The following ZFYVE28 variants were observed in gnomAD, a reference collection of about 807,000 sequenced individuals.
The protein encoded by ZFYVE28 is lateral signaling target protein 2 homolog.
ZFYVE28 carries 40 observed loss-of-function variants against 82.1 expected under a neutral mutation model. The observed-to-expected ratio is 0.49, with a 90% CI of 0.38 to 0.63. ZFYVE28 has a LOEUF of 0.63. Ranked by LOEUF, ZFYVE28 falls within the 30% of genes least tolerant of loss-of-function variation. The pLI, the probability that ZFYVE28 is intolerant of heterozygous loss-of-function variation, is 0.00. For synonymous variants in ZFYVE28, 612 were observed against 546.1 expected (o/e 1.12, Z -1.68); for missense variants, 1,321 against 1,242.1 (o/e 1.06, Z -0.96).
At chr4:2,336,126 G>A (rs1257660004) in intron 5 of ZFYVE28, among the ~76,000 whole-genome samples, 1 of 152,158 alleles carries the variant, frequency 6.6e-6, no homozygotes, top group Non-Finnish European at 1.5e-5. Context: ...CAACCCAGAG[G>A]ACGGCTCTGC....
chr4:2,302,196 T>C (rs2108820098), intron 8 of ZFYVE28, among the ~76,000 whole-genome samples: 1 of 152,368 alleles, frequency 6.6e-6, no homozygotes, highest in South Asian at 2.1e-4. Flanking sequence ...CTTACATTTT[T>C]GAAAATTGAA....
rs1366768690 is a variant in ZFYVE28 at position 2,304,507 on chromosome 4, C to G, written c.1833G>C (p.Glu611Asp). 6.2e-7 allele frequency: 1 copy of G among 1,612,606 alleles called. No homozygotes were observed. The highest frequency in any genetic ancestry group is 1.7e-5 in the Admixed American group (1 of 60,006). ...CATCTTCTGAGGGTGGGGGCGCCTCCTCCTGTCTCTCAGGGGCCCTGTCGC... is the reference window on the plus strand; with the variant it reads ...CATCTTCTGAGGGTGGGGGCGCCTCGTCCTGTCTCTCAGGGGCCCTGTCGC... ...KASDRAPERQ[E>D]EAPPPSEDAS... The change falls in exon 8 of 13, where the codon GAG (glutamate) becomes GAC (aspartate). Residue 611 changes from glutamate (E) to aspartate (D), a missense_variant. This residue lies in a region of ZFYVE28 where 978 missense variants were observed against 833.7 expected (regional missense o/e 1.17). Transcript: ENST00000290974.
At chr4:2,299,172 C>A (rs1715103911) in intron 8 of ZFYVE28, among the ~76,000 whole-genome samples, 1 of 152,198 alleles carries the variant, frequency 6.6e-6, no homozygotes, top group Non-Finnish European at 1.5e-5. Flanking sequence ...AAAAGCGTGA[C>A]ATCCCAGCTG....
rs1339701008 is a variant in ZFYVE28 at position 2,341,172 on chromosome 4, C to T, written c.318+306G>A. ...GGGGAACACTTGTTCCTGATGTGGGCATTACTGCCATTAAAAACCACTTTT... is the reference window on the plus strand; with the variant it reads ...GGGGAACACTTGTTCCTGATGTGGGTATTACTGCCATTAAAAACCACTTTT... On this transcript the variant is annotated intron_variant, in intron 3 of 12. Transcript: ENST00000290974. The surrounding 1 kb of genome is among the most constrained non-coding windows in gnomAD (Gnocchi z 4.5). 6 of 445,662 alleles carry T rather than the reference C, an allele frequency of 1.3e-5. No homozygotes were observed. Among genetic ancestry groups the T allele is most frequent in the Non-Finnish European group, 2.5e-5 (6 of 243,506 alleles). 27.6% of individuals were successfully genotyped at this position (445,662 alleles called of 1,614,324 possible).
chr4:2,312,436 A>T (rs932523398), intron 7 of ZFYVE28, among the ~76,000 whole-genome samples: 2 of 151,898 alleles, frequency 1.3e-5, no homozygotes, highest in Non-Finnish European at 2.9e-5. Flanking sequence ...AATTATTTAG[A>T]AGTGTTTTGG....
chr4:2,281,311 C>T (rs914517271), intron 8 of ZFYVE28, among the ~76,000 whole-genome samples: 1 of 152,034 alleles, frequency 6.6e-6, no homozygotes, highest in African/African-American at 2.4e-5. Context: ...CCTTCTGGGT[C>T]AGCCATTCCT....
chr4:2,304,545 A>G lies in ZFYVE28; in HGVS notation c.1795T>C (p.Leu599=), dbSNP rs1418034204. The G allele has an allele frequency of 6.2e-7, 1 of 1,612,630 alleles. No homozygotes were observed. Among genetic ancestry groups the G allele is most frequent in the African/African-American group, 1.3e-5 (1 of 74,938 alleles). ...GGGGCCCTGTCGCTGGCCTTGGCTA[A>G]GCCGGCAGCGTACGAGGCACCAATG... ...GVIGASYAAG[L]AKASDRAPER... Residue 599 remains leucine, a synonymous_variant, in exon 8 of 13, where the codon TTA becomes CTA. Transcript: ENST00000290974.
chr4:2,275,358 A>AT (rs890745109), intron 8 of ZFYVE28, among the ~76,000 whole-genome samples: 3 of 152,036 alleles, frequency 2.0e-5, no homozygotes, highest in Admixed American at 6.5e-5. Context: ...TTTTAAACTA[A>AT]TTTATCTCCT....
rs1293055107 is a variant in ZFYVE28 at position 2,305,460 on chromosome 4, A to T, written c.880T>A (p.Phe294Ile). 6.2e-7 allele frequency: 1 copy of T among 1,612,672 alleles called. No individual in the cohort carries two copies. The highest frequency in any genetic ancestry group is 2.2e-5 in the East Asian group (1 of 44,858). The change falls in exon 8 of 13, where the codon TTC (phenylalanine) becomes ATC (isoleucine). Residue 294 changes from phenylalanine (F) to isoleucine (I), a missense_variant. Coordinates refer to ENST00000290974, the MANE Select transcript of ZFYVE28 (RefSeq NM_020972.3). ...RNLCISQDVE[F>I]PIRADVQGPA... Reference sequence around the variant, plus strand: ...CCCTGCACGTCTGCGCGGATGGGGAACTCCACGTCTTGGGAAATGCAGAGG... The same window carrying T: ...CCCTGCACGTCTGCGCGGATGGGGATCTCCACGTCTTGGGAAATGCAGAGG...
chr4:2,321,790 C>A (rs544816007), intron 6 of ZFYVE28, among the ~76,000 whole-genome samples: 2 of 152,230 alleles, frequency 1.3e-5, no homozygotes, highest in African/African-American at 4.8e-5. Flanking sequence ...CCCGCAATGA[C>A]CTGTGTACCC....
intron 6 of ZFYVE28, among the ~76,000 whole-genome samples, chr4:2,321,190 C>A (rs1719021954): frequency 6.6e-6 from 1 of 152,196 alleles, no homozygotes; most frequent in East Asian, 1.9e-4. Flanking sequence ...AGAGCACAGA[C>A]AAGGGCCATG....
At chr4:2,395,114 C>G (rs1232174657) in intron 1 of ZFYVE28, among the ~76,000 whole-genome samples, 1 of 152,138 alleles carries the variant, frequency 6.6e-6, no homozygotes, top group Non-Finnish European at 1.5e-5. Context: ...GTTTGAATTG[C>G]CAAGGTCACT....
chr4:2,333,834 AG>A (rs1298060557), intron 6 of ZFYVE28, among the ~76,000 whole-genome samples: 1 of 152,234 alleles, frequency 6.6e-6, no homozygotes, highest in Non-Finnish European at 1.5e-5. Flanking sequence ...AACAAAGAGA[AG>A]AATAAGGACC....
rs757504353 is a variant in ZFYVE28 at position 2,304,793 on chromosome 4, G to A, written c.1547C>T (p.Thr516Met). Residue 516 changes from threonine (T) to methionine (M), a missense_variant, in exon 8 of 13, where the codon ACG (threonine) becomes ATG (methionine). Coordinates refer to ENST00000290974, the MANE Select transcript of ZFYVE28 (RefSeq NM_020972.3). ...HRTGGMKLSA[T>M]VIFNPKSPTS... is the part of the protein sequence containing the mutation. ...GGGCGATTTGGGGTTGAAGATGACC[G>A]TGGCTGAGAGCTTCATGCCCCCTGT... The A allele has an allele frequency of 1.1e-5, 17 of 1,612,616 alleles. No homozygotes were observed. Among genetic ancestry groups the A allele is most frequent in the East Asian group, 2.2e-5 (1 of 44,874 alleles).
intron 6 of ZFYVE28, among the ~76,000 whole-genome samples, chr4:2,323,448 A>C (rs2108840192): frequency 6.6e-6 from 1 of 152,304 alleles, no homozygotes; most frequent in East Asian, 1.9e-4. Flanking sequence ...CTGGACATTA[A>C]ATCTTCATCA....
Position 2,320,471 on chromosome 4 carries a change from C to A in ZFYVE28, c.702-200G>T, listed in dbSNP as rs1197469714. 6.6e-6 allele frequency among the ~76,000 whole-genome samples: 1 copy of A among 152,218 alleles called. No homozygotes were observed. The highest frequency in any genetic ancestry group is 1.5e-5 in the Non-Finnish European group (1 of 68,042). On this transcript the variant is annotated intron_variant, in intron 6 of 12. Coordinates refer to ENST00000290974, the MANE Select transcript of ZFYVE28 (RefSeq NM_020972.3). The surrounding 1 kb of genome is among the most constrained non-coding windows in gnomAD (Gnocchi z 5.1). ...AGAAAAAAGCAGTGAGAATTATTAC[C>A]CAGACTTCATCCTCTTTTGCAGTTG... is the stretch of plus-strand genomic sequence containing the variant.
At chr4:2,340,562 G>A (rs1050743740) in intron 3 of ZFYVE28, among the ~76,000 whole-genome samples, 10 of 152,196 alleles carry the variant, frequency 6.6e-5, no homozygotes, top group African/African-American at 2.4e-4. Context: ...CAAGCTGCAG[G>A]TGGGCACAGA....
intron 7 of ZFYVE28, among the ~76,000 whole-genome samples, chr4:2,319,642 C>T (rs960547649): frequency 3.3e-5 from 5 of 152,186 alleles, no homozygotes; most frequent in Non-Finnish European, 7.3e-5. Context: ...TGGGCTCTGT[C>T]GGCTCAGGCC....
At position 2,327,692 on chromosome 4, in the gene ZFYVE28, A is replaced by T. The variant is rs548947067; in HGVS notation, c.702-7421T>A. Among the ~76,000 whole-genome samples, 11 of 152,278 alleles carry T rather than the reference A, an allele frequency of 7.2e-5. No homozygotes were observed. In the South Asian group the frequency reaches 2.3e-3, roughly 32 times the overall value. On this transcript the variant is annotated intron_variant, in intron 6 of 12. Coordinates refer to ENST00000290974, the MANE Select transcript of ZFYVE28 (RefSeq NM_020972.3). The stretch of plus-strand genomic sequence containing the variant: ...AAATGCTTTTTCTGCATCTAATGAG[A>T]TGATCATATGGTTTTTTTATTCTAT...
Sources: gnomAD v4.1 joint callset for allele counts (sites outside exome capture counted in the v4.1 genomes callset) on GRCh38, gnomAD v4.1.1 for gene constraint, gnomAD v4.1.1 regional missense constraint, Gnocchi (gnomAD v3.1) non-coding constraint, MANE v1.5 for transcripts, NCBI Gene and HGNC (gene_info 2026-07-23, HGNC 2026-07-21) for gene names.